The following GCC1 variants were observed in gnomAD, a reference collection of about 807,000 sequenced individuals.
GCC1 encodes the protein GRIP and coiled-coil domain-containing protein 1.
GCC1 carries 36 observed loss-of-function variants against 62.5 expected under a neutral mutation model. The ratio of observed to expected loss-of-function variants is 0.58; its 90% CI spans 0.44 to 0.76. GCC1 has a LOEUF of 0.76. Among genes scored for constraint, GCC1 ranks in the 30% least tolerant of loss-of-function variants. GCC1 has a pLI of 0.00. For missense variants in GCC1, 885 were observed against 948.3 expected (o/e 0.93, Z 0.88); for synonymous variants, 391 against 386.8 (o/e 1.01, Z -0.13).
At position 127,581,793 on chromosome 7, in the gene GCC1, T is replaced by C. The variant is rs1794136855; in HGVS notation, c.*221A>G. On this transcript the variant is annotated 3_prime_UTR_variant, in exon 2 of 2. Transcript: ENST00000321407. ...TCATCTTCTCCTCACATGCACACCA[T>C]CAGAAGATACTGCCCCAGGACTTTC... 1 of 567,728 alleles carries C rather than the reference T, an allele frequency of 1.8e-6. No homozygotes were observed. The highest frequency in any genetic ancestry group is 2.2e-5 in the South Asian group (1 of 45,998). 35.2% of individuals were successfully genotyped at this position (567,728 alleles called of 1,614,324 possible).
In GCC1 at chr7:127,585,374, G is replaced by C. The variant is rs1794190546; in HGVS notation, c.-192C>G. 1 of 597,504 alleles carries C rather than the reference G, an allele frequency of 1.7e-6. No homozygotes were observed. Among genetic ancestry groups the C allele is most frequent in the African/African-American group, 1.9e-5 (1 of 53,696 alleles). The allele number at this position is 597,504 out of a possible 1,614,324, so 37.0% of individuals were successfully genotyped here. A position where few individuals can be genotyped will look rare whatever the true frequency, so the allele number is the denominator to read the frequency against. On this transcript the variant is annotated 5_prime_UTR_variant, in exon 1 of 2. Coordinates refer to ENST00000321407, the MANE Select transcript of GCC1 (RefSeq NM_024523.6). ...TGGCGAAAGCGGCCGCCCGGTCCCA[G>C]GCCCGGAGGGCTGGGGCGGATTCTA...
chr7:127,583,839 A>G (rs1461825489), intron 1 of GCC1, among the ~76,000 whole-genome samples: 2 of 152,212 alleles, frequency 1.3e-5, no homozygotes, highest in African/African-American at 4.8e-5. Flanking sequence ...CCAACAGAAG[A>G]CACGCTACCT....
Position 127,582,097 on chromosome 7 carries a change from T to TA in GCC1, c.2244dup (p.Ile749TyrfsTer33), listed in dbSNP as rs1562951569. The TA allele has an allele frequency of 6.2e-7, 1 of 1,614,202 alleles. No homozygotes were observed. The highest frequency in any genetic ancestry group is 8.5e-7 in the Non-Finnish European group (1 of 1,180,030). ...TTCTCCTCTGGACTGAAGTGCAAGA[T>TA]AGTCAGTATGGCTGTGAGAGTCTGC... On this transcript the variant is annotated frameshift_variant, in exon 2 of 2. Coordinates refer to ENST00000321407, the MANE Select transcript of GCC1 (RefSeq NM_024523.6). LOFTEE classifies it high-confidence loss of function. The surrounding 1 kb of genome is among the most constrained non-coding windows in gnomAD (Gnocchi z 4.8).
chr7:127,585,329 T>G lies in GCC1; in HGVS notation c.-147A>C. ...CTCCACCTAGTTATCCCGGACCTAATGCGGAACGGCCGGACGGACTGGCGA... is the reference window on the plus strand; with the variant it reads ...CTCCACCTAGTTATCCCGGACCTAAGGCGGAACGGCCGGACGGACTGGCGA... On this transcript the variant is annotated 5_prime_UTR_variant, in exon 1 of 2. Coordinates refer to ENST00000321407, the MANE Select transcript of GCC1 (RefSeq NM_024523.6). The G allele has an allele frequency of 1.3e-6, 1 of 762,628 alleles. No individual in the cohort carries two copies. The highest frequency in any genetic ancestry group is 2.0e-6 in the Non-Finnish European group (1 of 488,828). The allele number at this position is 762,628 out of a possible 1,614,324, so 47.2% of individuals were successfully genotyped here.
Position 127,582,457 on chromosome 7 carries a change from C to A in GCC1, c.1885G>T (p.Asp629Tyr). 1 of 1,613,970 alleles carries A rather than the reference C, an allele frequency of 6.2e-7. No individual in the cohort carries two copies. Among genetic ancestry groups the A allele is most frequent in the Non-Finnish European group, 8.5e-7 (1 of 1,180,010 alleles). The change falls in exon 2 of 2, where the codon GAC becomes TAC. Residue 629 changes from aspartate (D) to tyrosine (Y), a missense_variant. Asp to Tyr is a radical substitution (Grantham distance 160). Transcript: ENST00000321407. The surrounding 1 kb of genome is among the most constrained non-coding windows in gnomAD (Gnocchi z 4.8). ...RSPVGGGGPG[D>Y]PADTSSSDSL... Reference sequence around the variant, plus strand: ...TCAGAGGATGATGTGTCAGCTGGGTCCCCAGGACCGCCACCACCCACAGGA... The same window carrying A: ...TCAGAGGATGATGTGTCAGCTGGGTACCCAGGACCGCCACCACCCACAGGA...
chr7:127,583,217 C>T lies in GCC1; in HGVS notation c.1125G>A (p.Glu375=). ...ALENQISEVS[E]LLGTYEKAKQ... Reference sequence around the variant, plus strand: ...TGGCTTTCTCGTAGGTGCCTAGCAGCTCAGACACCTCGGATATTTGATTCT... The same window carrying T: ...TGGCTTTCTCGTAGGTGCCTAGCAGTTCAGACACCTCGGATATTTGATTCT... The change falls in exon 2 of 2, where the codon GAG becomes GAA. Residue 375 remains glutamate (E), a synonymous_variant. Coordinates refer to ENST00000321407, the MANE Select transcript of GCC1 (RefSeq NM_024523.6). 2 of 1,613,884 alleles carry T rather than the reference C, an allele frequency of 1.2e-6. No individual in the cohort carries two copies. Among genetic ancestry groups the T allele is most frequent in the South Asian group, 1.1e-5 (1 of 91,070 alleles).
rs932017420 is a variant in GCC1, at chr7:127,585,389, G to A, written c.-207C>T. 3 of 577,188 alleles carry A rather than the reference G, an allele frequency of 5.2e-6. No individual in the cohort carries two copies. The highest frequency in any genetic ancestry group is 9.1e-6 in the Non-Finnish European group (3 of 330,212). 35.8% of individuals were successfully genotyped at this position (577,188 alleles called of 1,614,324 possible). ...CCCGGTCCCAGGCCCGGAGGGCTGGGGCGGATTCTACCCCGGAGGCGGGGC... is the reference window on the plus strand; with the variant it reads ...CCCGGTCCCAGGCCCGGAGGGCTGGAGCGGATTCTACCCCGGAGGCGGGGC... On this transcript the variant is annotated 5_prime_UTR_variant, in exon 1 of 2. Coordinates refer to ENST00000321407, the MANE Select transcript of GCC1 (RefSeq NM_024523.6).
chr7:127,584,356 G>C lies in GCC1; in HGVS notation c.827C>G (p.Ala276Gly). 1 of 1,613,866 alleles carries C rather than the reference G, an allele frequency of 6.2e-7. No homozygotes were observed. Among genetic ancestry groups the C allele is most frequent in the Non-Finnish European group, 8.5e-7 (1 of 1,180,010 alleles). ...LRLEETREAL[A>G]GRAYAAEQME... ...CTGTTCAGCTGCATATGCTCGTCCT[G>C]CCAAGGCTTCTCGGGTCTCTTCTAA... The change falls in exon 1 of 2, where the codon GCA becomes GGA. Residue 276 changes from alanine (A) to glycine (G), a missense_variant. Transcript: ENST00000321407.
chr7:127,581,775 CT>C lies in GCC1; in HGVS notation c.*238del. The C allele has an allele frequency of 1.9e-6, 1 of 539,068 alleles. No individual in the cohort carries two copies. Among genetic ancestry groups the C allele is most frequent in the Admixed American group, 3.4e-5 (1 of 29,612 alleles). The allele number at this position is 539,068 out of a possible 1,614,324, so 33.4% of individuals were successfully genotyped here. On this transcript the variant is annotated 3_prime_UTR_variant, in exon 2 of 2. Coordinates refer to ENST00000321407, the MANE Select transcript of GCC1 (RefSeq NM_024523.6). ...CACTTCTCAGTCCTAACCTCATCTTCTCCTCACATGCACACCATCAGAAGAT... is the reference window on the plus strand; with the variant it reads ...CACTTCTCAGTCCTAACCTCATCTTCCCTCACATGCACACCATCAGAAGAT...
chr7:127,584,662 G>A lies in GCC1; in HGVS notation c.521C>T (p.Thr174Ile), dbSNP rs918865874. 2 of 1,614,170 alleles carry A rather than the reference G, an allele frequency of 1.2e-6. No homozygotes were observed. Among genetic ancestry groups the A allele is most frequent in the Admixed American group, 1.7e-5 (1 of 60,016 alleles). Residue 174 changes from threonine (T) to isoleucine (I), a missense_variant, in exon 1 of 2, where the codon ACA becomes ATA. Thr to Ile is a moderately conservative substitution (Grantham distance 89). Coordinates refer to ENST00000321407, the MANE Select transcript of GCC1 (RefSeq NM_024523.6). ...CATGCGGGACTTCTCCTGAGTGACTGTAGCCAAAGAACTGGTCAAAGTAGC... is the reference window on the plus strand; with the variant it reads ...CATGCGGGACTTCTCCTGAGTGACTATAGCCAAAGAACTGGTCAAAGTAGC... ...QLATLTSSLA[T>I]VTQEKSRMEA...
chr7:127,582,568 C>A lies in GCC1; in HGVS notation c.1774G>T (p.Ala592Ser), dbSNP rs751154961. 2 of 1,611,550 alleles carry A rather than the reference C, an allele frequency of 1.2e-6. No individual in the cohort carries two copies. Among genetic ancestry groups the A allele is most frequent in the Admixed American group, 3.3e-5 (2 of 60,018 alleles). The change falls in exon 2 of 2, where the codon GCC (alanine) becomes TCC (serine). Residue 592 changes from alanine (A) to serine (S), a missense_variant. Physicochemically the swap from Ala to Ser is moderately conservative, Grantham distance 99 (BLOSUM62 1). Coordinates refer to ENST00000321407, the MANE Select transcript of GCC1 (RefSeq NM_024523.6). The surrounding 1 kb of genome is among the most constrained non-coding windows in gnomAD (Gnocchi z 4.8). ...EEELHKQRDR[A>S]LAVLTEKDLE... ...TCCTTCTCGGTGAGCACAGCTAGGG[C>A]ACGATCCCGCTGCTTGTGCAGCTCC...
Position 127,584,398 on chromosome 7 carries a change from T to C in GCC1, c.785A>G (p.Gln262Arg), listed in dbSNP as rs35390108. The C allele has an allele frequency of 2.0e-3, 3,239 of 1,614,024 alleles. 56 individuals carry two copies. The African/African-American group carries it at 0.038, about 19-fold the overall frequency. Residue 262 changes from glutamine (Q) to arginine (R), a missense_variant, in exon 1 of 2, where the codon CAG (glutamine) becomes CGG (arginine). By Grantham distance (43) the Gln-to-Arg change is conservative. Coordinates refer to ENST00000321407, the MANE Select transcript of GCC1 (RefSeq NM_024523.6). ...KLLQEERTQRQDLELRLEETR... is the reference protein window; with the variant it reads ...KLLQEERTQRRDLELRLEETR... ...CTCTTCTAACCTAAGCTCCAAGTCC[T>C]GGCGCTGGGTCCTCTCCTCCTGCAG...
Position 127,582,554 on chromosome 7 carries a change from G to A in GCC1, c.1788C>T (p.Leu596=). ...HKQRDRALAV[L]TEKDLELEQL... ...GCTCCAGTTCCAAGTCCTTCTCGGT[G>A]AGCACAGCTAGGGCACGATCCCGCT... Residue 596 remains leucine, a synonymous_variant, in exon 2 of 2, where the codon CTC becomes CTT. Coordinates refer to ENST00000321407, the MANE Select transcript of GCC1 (RefSeq NM_024523.6). The surrounding 1 kb of genome is among the most constrained non-coding windows in gnomAD (Gnocchi z 4.8). 6.2e-7 allele frequency: 1 copy of A among 1,611,336 alleles called. No homozygotes were observed. Among genetic ancestry groups the A allele is most frequent in the Non-Finnish European group, 8.5e-7 (1 of 1,180,032 alleles).
chr7:127,584,528 G>T lies in GCC1; in HGVS notation c.655C>A (p.Gln219Lys). The T allele has an allele frequency of 6.2e-7, 1 of 1,613,962 alleles. No individual in the cohort carries two copies. Among genetic ancestry groups the T allele is most frequent in the Non-Finnish European group, 8.5e-7 (1 of 1,180,008 alleles). Residue 219 changes from glutamine to lysine, a missense_variant, in exon 1 of 2, where the codon CAG (glutamine) becomes AAG (lysine). Physicochemically the swap from Gln to Lys is moderately conservative, Grantham distance 53. Coordinates refer to ENST00000321407, the MANE Select transcript of GCC1 (RefSeq NM_024523.6). ...ARLEGELKGL[Q>K]EQIAETKARL... The stretch of plus-strand genomic sequence containing the variant: ...GCTTTGGTTTCTGCTATTTGCTCCT[G>T]CAGCCCCTTCAATTCTCCCTCCAGG...
Position 127,582,383 on chromosome 7 carries a change from G to GA in GCC1, c.1958dup (p.Phe654LeufsTer5), listed in dbSNP as rs1272972253. The GA allele has an allele frequency of 2.5e-6, 4 of 1,614,146 alleles. No homozygotes were observed. Among genetic ancestry groups the GA allele is most frequent in the Non-Finnish European group, 2.5e-6 (3 of 1,180,064 alleles). ...GGGCCAGTTGCTCAGCGTACAGAAA[G>GA]AAAGTGGGCTCATTGGCCGCTGCAA... On this transcript the variant is annotated frameshift_variant, in exon 2 of 2. Coordinates refer to ENST00000321407, the MANE Select transcript of GCC1 (RefSeq NM_024523.6). LOFTEE classifies it high-confidence loss of function. This position sits in a 1 kb window ranked among gnomAD's most constrained non-coding sequence, Gnocchi z 4.8.
rs752951831 is a variant in GCC1 at position 127,582,365 on chromosome 7, T to C, written c.1977A>G (p.Gln659=). 6.8e-6 allele frequency: 11 copies of C among 1,614,066 alleles called. No individual in the cohort carries two copies. The highest frequency in any genetic ancestry group is 1.3e-5 in the African/African-American group (1 of 74,934). ...NEPTFFLYAE[Q]LARKEVEITS... ...TGATCTCCACCTCCTTGCGGGCCAG[T>C]TGCTCAGCGTACAGAAAGAAAGTGG... The change falls in exon 2 of 2, where the codon CAA becomes CAG. Residue 659 remains glutamine, a synonymous_variant. Coordinates refer to ENST00000321407, the MANE Select transcript of GCC1 (RefSeq NM_024523.6). The surrounding 1 kb of genome is among the most constrained non-coding windows in gnomAD (Gnocchi z 4.8).
chr7:127,584,835 T>G lies in GCC1; in HGVS notation c.348A>C (p.Val116=). 1 of 1,614,194 alleles carries G rather than the reference T, an allele frequency of 6.2e-7. No homozygotes were observed. Among genetic ancestry groups the G allele is most frequent in the East Asian group, 2.2e-5 (1 of 44,880 alleles). ...SLTSTKGEFG[V]EDDRPARGPP... is the part of the protein sequence containing the mutation. ...GTCCACGGGCCGGTCTGTCATCTTCTACCCCAAACTCACCCTTGGTGCTGG... is the reference window on the plus strand; with the variant it reads ...GTCCACGGGCCGGTCTGTCATCTTCGACCCCAAACTCACCCTTGGTGCTGG... The change falls in exon 1 of 2, where the codon GTA becomes GTC. Residue 116 remains valine (V), a synonymous_variant. Transcript: ENST00000321407.
chr7:127,585,346 G>C lies in GCC1; in HGVS notation c.-164C>G, dbSNP rs1348140237. ...GGACCTAATGCGGAACGGCCGGACG[G>C]ACTGGCGAAAGCGGCCGCCCGGTCC... On this transcript the variant is annotated 5_prime_UTR_variant, in exon 1 of 2. Transcript: ENST00000321407. 4 of 716,284 alleles carry C rather than the reference G, an allele frequency of 5.6e-6. No individual in the cohort carries two copies. Among genetic ancestry groups the C allele is most frequent in the Non-Finnish European group, 8.9e-6 (4 of 449,634 alleles). 44.4% of individuals were successfully genotyped at this position (716,284 alleles called of 1,614,324 possible).
rs1350600485 is a variant in GCC1, at chr7:127,581,248, C to T, written c.*766G>A. The stretch of plus-strand genomic sequence containing the variant: ...AACACTGAGGAAAAGATAGCAAAGT[C>T]GTTGACTCACAATCTCAGGCCAACC... On this transcript the variant is annotated 3_prime_UTR_variant, in exon 2 of 2. Transcript: ENST00000321407. The T allele has an allele frequency of 2.0e-5, 3 of 152,182 alleles. No individual in the cohort carries two copies. The highest frequency in any genetic ancestry group is 7.2e-5 in the African/African-American group (3 of 41,434). The allele number at this position is 152,182 out of a possible 1,614,324, so 9.4% of individuals were successfully genotyped here.
Sources: gnomAD v4.1 joint callset for allele counts (sites outside exome capture counted in the v4.1 genomes callset) on GRCh38, gnomAD v4.1.1 for gene constraint, Gnocchi (gnomAD v3.1) non-coding constraint, MANE v1.5 for transcripts, NCBI Gene and HGNC (gene_info 2026-07-23, HGNC 2026-07-21) for gene names.